Variants in MAP2 observed in about 807,000 individuals in gnomAD.
The protein encoded by MAP2 is microtubule associated protein 2, also known as microtubule-associated protein 2.
MAP2 carries 14 observed loss-of-function variants against 137.6 expected under a neutral mutation model. The observed-to-expected ratio is 0.10, with a 90% CI of 0.07 to 0.16. The LOEUF is 0.16. MAP2 is among the 10% of genes least tolerant of loss of function. The pLI, the probability that MAP2 is intolerant of heterozygous loss-of-function variation, is 1.00. For missense variants in MAP2, 2,088 were observed against 2,191.5 expected, an observed-to-expected ratio of 0.95 and a Z score of 0.94; for synonymous variants, 786 against 782.3, an observed-to-expected ratio of 1.00 and a Z score of -0.08.
intron 2 of MAP2, among the ~76,000 whole-genome samples, chr2:209,556,042 C>CTTTTTT (rs766218011): frequency 9.2e-6 from 1 of 108,488 alleles, no homozygotes; most frequent in African/African-American, 3.4e-5. Context: ...TTTTTCTTTT[C>CTTTTTT]TTTTTTTTTT....
chr2:209,435,123 A>T (rs959790543), intron 1 of MAP2, among the ~76,000 whole-genome samples: 3 of 151,298 alleles, frequency 2.0e-5, no homozygotes, highest in Admixed American at 6.6e-5. Context: ...GAATCAGAAA[A>T]GTAATTAATT....
At position 209,700,478 on chromosome 2, in the gene MAP2, C is replaced by T. The variant is rs116792930; in HGVS notation, c.4584+140C>T. The T allele has an allele frequency of 1.7e-3, 1,103 of 651,572 alleles. 15 individuals are homozygous for T. The African/African-American group carries it at 0.017, about 10-fold the overall frequency. 40.4% of individuals were successfully genotyped at this position (651,572 alleles called of 1,614,324 possible). On this transcript the variant is annotated intron_variant, in intron 11 of 15. Transcript: ENST00000682079. ...TAGTTCGCTCACCCAGAAGATTCTCCGTGGCATCCAGGCATGGAAGGATGA... is the reference window on the plus strand; with the variant it reads ...TAGTTCGCTCACCCAGAAGATTCTCTGTGGCATCCAGGCATGGAAGGATGA...
chr2:209,723,554 A>T (rs1357549157), intron 13 of MAP2: 4 of 1,179,676 alleles, frequency 3.4e-6, no homozygotes, highest in Non-Finnish European at 5.1e-6. Flanking sequence ...CAGCATCTTG[A>T]TAGAAAAATG....
At chr2:209,607,134 C>T (rs375987551) in intron 3 of MAP2, among the ~76,000 whole-genome samples, 3 of 152,252 alleles carry the variant, frequency 2.0e-5, no homozygotes, top group East Asian at 3.9e-4. Flanking sequence ...AAGTAGATGG[C>T]ATTCTACTTT....
intron 13 of MAP2, among the ~76,000 whole-genome samples, chr2:209,719,753 TAGAA>T (rs951237119): frequency 5.4e-4 from 83 of 152,352 alleles, no homozygotes; most frequent in African/African-American, 1.9e-3. Flanking sequence ...AGTGGAAGAA[TAGAA>T]AGAATTAGTA....
At chr2:209,669,063 C>T (rs993412219) in intron 5 of MAP2, among the ~76,000 whole-genome samples, 2 of 151,890 alleles carry the variant, frequency 1.3e-5, no homozygotes, top group Admixed American at 6.6e-5. Context: ...AGAATCTTTG[C>T]GGACAATACT....
At chr2:209,594,164 C>T (rs910863649) in intron 3 of MAP2, among the ~76,000 whole-genome samples, 1 of 149,050 alleles carries the variant, frequency 6.7e-6, no homozygotes, top group South Asian at 2.1e-4. Context: ...AGCAGGCATC[C>T]CAGAGGGAGT....
intron 2 of MAP2, among the ~76,000 whole-genome samples, chr2:209,517,659 G>T (rs2062704144): frequency 6.6e-6 from 1 of 151,688 alleles, no homozygotes; most frequent in East Asian, 1.9e-4. Flanking sequence ...AGCCATAAAT[G>T]GTATCCCACA....
intron 12 of MAP2, among the ~76,000 whole-genome samples, chr2:209,708,905 T>C (rs2064405653): frequency 6.6e-6 from 1 of 152,184 alleles, no homozygotes; most frequent in Non-Finnish European, 1.5e-5. Context: ...AACAACTGTA[T>C]TGTGCATGTT....
intron 3 of MAP2, among the ~76,000 whole-genome samples, chr2:209,582,277 A>T (rs2076600300): frequency 6.6e-6 from 1 of 152,046 alleles, no homozygotes; most frequent in Admixed American, 6.6e-5. Context: ...CATGTTTCTA[A>T]TAAATAATAA....
At chr2:209,598,408 AATTT>A (rs1441924506) in intron 3 of MAP2, among the ~76,000 whole-genome samples, 3 of 151,366 alleles carry the variant, frequency 2.0e-5, no homozygotes, top group Non-Finnish European at 4.4e-5. Context: ...CTTTTTTTAA[AATTT>A]ATTTATTTTA....
At chr2:209,643,705 C>T (rs1036549679) in intron 4 of MAP2, among the ~76,000 whole-genome samples, 22 of 152,050 alleles carry the variant, frequency 1.4e-4, no homozygotes, top group Non-Finnish European at 1.5e-4. Flanking sequence ...TTTTTTTAAC[C>T]ATGGACAATT....
intron 2 of MAP2, among the ~76,000 whole-genome samples, chr2:209,517,444 A>G (rs890847746): frequency 6.6e-6 from 1 of 152,148 alleles, no homozygotes; most frequent in Admixed American, 6.6e-5. Context: ...ATGCCAGCAG[A>G]TGGCATAAAA....
chr2:209,635,508 G>A (rs1403482267), intron 4 of MAP2, among the ~76,000 whole-genome samples: 4 of 152,098 alleles, frequency 2.6e-5, no homozygotes, highest in Admixed American at 6.6e-5. Flanking sequence ...TAGTCCTGAC[G>A]TGATATTTTG....
chr2:209,539,777 A>T (rs1383470286), intron 2 of MAP2, among the ~76,000 whole-genome samples: 2 of 151,860 alleles, frequency 1.3e-5, no homozygotes, highest in Non-Finnish European at 2.9e-5. Flanking sequence ...TGTAAGACTC[A>T]TTTGTTTTTT....
intron 1 of MAP2, among the ~76,000 whole-genome samples, chr2:209,462,540 G>A (rs1703083370): frequency 6.6e-6 from 1 of 152,056 alleles, no homozygotes; most frequent in South Asian, 2.1e-4. Context: ...CTAGGAGCTG[G>A]GATCCAAGAG....
At chr2:209,618,490 T>G (rs916262914) in intron 3 of MAP2, among the ~76,000 whole-genome samples, 1 of 152,194 alleles carries the variant, frequency 6.6e-6, no homozygotes, top group East Asian at 1.9e-4. Context: ...TACGACAACA[T>G]GTGAACCTGC....
At position 209,693,719 on chromosome 2, in the gene MAP2, C is replaced by A. The variant is rs1225748085; in HGVS notation, c.1549C>A (p.Leu517Met). 1 of 1,612,936 alleles carries A rather than the reference C, an allele frequency of 6.2e-7. No homozygotes were observed. The highest frequency in any genetic ancestry group is 8.5e-7 in the Non-Finnish European group (1 of 1,179,762). ...VTDSAMTSKT[L>M]EKAMTEPSAL... ...AGATTCAGCCATGACCTCTAAAACA[C>A]TGGAGAAAGCCATGACCGAACCATC... is the stretch of plus-strand genomic sequence containing the variant. The change falls in exon 8 of 16, where the codon CTG becomes ATG. Residue 517 changes from leucine (L) to methionine (M), a missense_variant. Leu to Met is a conservative substitution (Grantham distance 15). Transcript: ENST00000682079.
intron 1 of MAP2, among the ~76,000 whole-genome samples, chr2:209,438,765 A>G (rs1049987991): frequency 4.6e-5 from 7 of 151,522 alleles, no homozygotes; most frequent in African/African-American, 1.7e-4. Context: ...TCAGGATGGA[A>G]TGAAAAGTAA....
Sources: allele counts gnomAD v4.1 joint callset (sites outside exome capture counted in the v4.1 genomes callset), GRCh38; gene constraint gnomAD v4.1.1; transcripts MANE v1.5; gene names NCBI Gene and HGNC (gene_info 2026-07-23, HGNC 2026-07-21).